CFTR: variants seen among roughly 807,000 people sequenced by gnomAD.
CFTR encodes cystic fibrosis transmembrane conductance regulator.
In CFTR, 181 loss-of-function variants were observed where a neutral mutation model predicts 171.6. The ratio of observed to expected loss-of-function variants is 1.05; its 90% CI spans 0.93 to 1.19. The LOEUF is 1.19. CFTR is among the 50% of genes most tolerant of loss of function. The pLI is 0.00. For synonymous variants in CFTR, 583 were observed against 608.0 expected (o/e 0.96, Z 0.60); for missense variants, 1,968 against 1,734.7 (o/e 1.13, Z -2.39).
intron 24 of CFTR, among the ~76,000 whole-genome samples, chr7:117,657,714 A>G (rs935104330): frequency 6.6e-6 from 1 of 152,218 alleles, no homozygotes; most frequent in Non-Finnish European, 1.5e-5. Context: ...CCTTGCCATG[A>G]CTAGTATCTC....
intron 10 of CFTR, among the ~76,000 whole-genome samples, chr7:117,557,049 C>G (rs1466714104): frequency 6.6e-6 from 1 of 151,638 alleles, no homozygotes; most frequent in Non-Finnish European, 1.5e-5. Flanking sequence ...AGATGTTTGA[C>G]GCTTTTTTAA....
In CFTR at chr7:117,542,126, A is replaced by T; in HGVS notation, c.1209+18A>T. Reference sequence around the variant, plus strand: ...GGGAGGAGGTCAGAATTTTTAAAAAATTGTTTGCTCTAAACACCTAACTGT... The same window carrying T: ...GGGAGGAGGTCAGAATTTTTAAAAATTTGTTTGCTCTAAACACCTAACTGT... On this transcript the variant is annotated intron_variant, in intron 9 of 26. Coordinates refer to ENST00000003084, the MANE Select transcript of CFTR (RefSeq NM_000492.4). 1 of 1,309,382 alleles carries T rather than the reference A, an allele frequency of 7.6e-7. No homozygotes were observed. The allele number at this position is 1,309,382 out of a possible 1,614,324, so 81.1% of individuals were successfully genotyped here.
chr7:117,588,528 C>T (rs1192202766), intron 12 of CFTR, among the ~76,000 whole-genome samples: 1 of 152,118 alleles, frequency 6.6e-6, no homozygotes, highest in Admixed American at 6.6e-5. Flanking sequence ...ATTCTTCTCA[C>T]TTTGTTGCCA....
intron 3 of CFTR, among the ~76,000 whole-genome samples, chr7:117,520,494 T>C (rs1349233124): frequency 6.6e-6 from 1 of 151,894 alleles, no homozygotes; most frequent in East Asian, 1.9e-4. Flanking sequence ...AGAAATCTAA[T>C]TTCAAAAAGA....
chr7:117,555,079 GT>G (rs575596543), intron 10 of CFTR, among the ~76,000 whole-genome samples: 4 of 151,790 alleles, frequency 2.6e-5, no homozygotes, highest in African/African-American at 7.3e-5. Flanking sequence ...AATTTTTGGG[GT>G]TTTTTGACAA....
At chr7:117,522,511 T>C (rs772410269) in intron 3 of CFTR, among the ~76,000 whole-genome samples, 27 of 152,260 alleles carry the variant, frequency 1.8e-4, no homozygotes, top group Admixed American at 5.2e-4. Context: ...ATCAGGCTTC[T>C]TCTATTATTG....
At chr7:117,564,614 T>C (rs1240040726) in intron 11 of CFTR, 1 of 166,960 alleles carries the variant, frequency 6.0e-6, no homozygotes, top group Non-Finnish European at 1.5e-5. Flanking sequence ...CATGATTCAG[T>C]ATATTTTCAT....
intron 3 of CFTR, 77 bp from the exon 4 acceptor site, chr7:117,530,822 A>C: frequency 1.0e-6 from 1 of 965,320 alleles, no homozygotes; most frequent in Non-Finnish European, 1.6e-6. Context: ...AAAGATGAAA[A>C]GTCTTGTGTT....
At chr7:117,614,975 T>C (rs912470000) in intron 21 of CFTR, among the ~76,000 whole-genome samples, 3 of 152,052 alleles carry the variant, frequency 2.0e-5, no homozygotes, top group Non-Finnish European at 2.9e-5. Context: ...GAGAAATACC[T>C]AGGGGTTGTA....
chr7:117,530,857 A>G, intron 3 of CFTR, 42 bp from the exon 4 acceptor site: 11 of 1,332,416 alleles, frequency 8.3e-6, no homozygotes, highest in Non-Finnish European at 1.2e-5. Context: ...ATTTTATGAG[A>G]AATAAATGAA....
chr7:117,541,978 T>C, intron 8 of CFTR, 38 bp from the exon 9 acceptor site: 4 of 999,488 alleles, frequency 4.0e-6, no homozygotes, highest in Non-Finnish European at 6.4e-6. Flanking sequence ...AATGCTATTC[T>C]GATTCTATAA....
rs139185194 is a variant in CFTR, at chr7:117,569,218, C to T, written c.1584+9563C>T. 4.3e-3 allele frequency among the ~76,000 whole-genome samples: 654 copies of T among 151,950 alleles called. 7 individuals are homozygous for T. Among genetic ancestry groups the T allele is most frequent in the Middle Eastern group, 0.014 (4 of 294 alleles). ...AAGGAATTTCAATACTTAAGAGGTA[C>T]GCAGAGAAAAGAGGGGCTGTGAAGG... On this transcript the variant is annotated intron_variant, in intron 11 of 26. Transcript: ENST00000003084.
chr7:117,646,413 G>A (rs1792995911), intron 23 of CFTR, among the ~76,000 whole-genome samples: 1 of 152,098 alleles, frequency 6.6e-6, no homozygotes, highest in Admixed American at 6.6e-5. Context: ...TTAGAAATGT[G>A]GGGGCATGAG....
intron 24 of CFTR, among the ~76,000 whole-genome samples, chr7:117,653,289 C>A (rs1584843053): frequency 6.6e-6 from 1 of 152,206 alleles, no homozygotes; most frequent in African/African-American, 2.4e-5. Flanking sequence ...ATGGCTCCAA[C>A]CATCAGGCCC....
Position 117,592,246 on chromosome 7 carries a change from TG to T in CFTR, c.2083del (p.Glu695LysfsTer27). Reference sequence around the variant, plus strand: ...AATCTTTTAAACAGACTGGAGAGTTTGGGGAAAAAAGGAAGAATTCTATTCT... The same window carrying T: ...AATCTTTTAAACAGACTGGAGAGTTTGGGAAAAAAGGAAGAATTCTATTCT... The part of the protein sequence containing the change: ...KQSFKQTGEF[G>X]EKRKNSILNP... On this transcript the variant is annotated frameshift_variant, in exon 14 of 27. Coordinates refer to ENST00000003084, the MANE Select transcript of CFTR (RefSeq NM_000492.4). LOFTEE classifies it high-confidence loss of function. The T allele has an allele frequency of 6.2e-7, 1 of 1,613,816 alleles. No individual in the cohort carries two copies. Among genetic ancestry groups the T allele is most frequent in the Non-Finnish European group, 8.5e-7 (1 of 1,180,008 alleles).
rs121909016 is a variant in CFTR at position 117,540,163 on chromosome 7, C to G, written c.933C>G (p.Phe311Leu). The stretch of plus-strand genomic sequence containing the variant: ...GATACTTCAATAGCTCAGCCTTCTT[C>G]TTCTCAGGGTTCTTTGTGGTGTTTT... ...YVRYFNSSAF[F>L]FSGFFVVFLS... is the part of the protein sequence containing the mutation. The change falls in exon 8 of 27, where the codon TTC becomes TTG. Residue 311 changes from phenylalanine (F) to leucine (L), a missense_variant. Physicochemically the swap from Phe to Leu is conservative, Grantham distance 22. Transcript: ENST00000003084. 1 of 1,613,870 alleles carries G rather than the reference C, an allele frequency of 6.2e-7. No individual in the cohort carries two copies. Among genetic ancestry groups the G allele is most frequent in the Non-Finnish European group, 8.5e-7 (1 of 1,179,780 alleles).
At chr7:117,565,833 G>A (rs1292942832) in intron 11 of CFTR, among the ~76,000 whole-genome samples, 1 of 152,108 alleles carries the variant, frequency 6.6e-6, no homozygotes, top group Admixed American at 6.6e-5. Flanking sequence ...AAAAATACTT[G>A]GGAGGGAAAT....
At chr7:117,612,233 T>TAACACACA (rs1792419227) in intron 20 of CFTR, among the ~76,000 whole-genome samples, 1 of 96,788 alleles carries the variant, frequency 1.0e-5, no homozygotes, top group Non-Finnish European at 2.1e-5. Context: ...ACATCCGCAT[T>TAACACACA]TACACACACA....
chr7:117,585,073 C>T (rs1289744599), intron 11 of CFTR, among the ~76,000 whole-genome samples: 1 of 151,956 alleles, frequency 6.6e-6, no homozygotes, highest in African/African-American at 2.4e-5. Flanking sequence ...CTGTTTCTTA[C>T]TGTCCCCTTC....
Sources: allele counts gnomAD v4.1 joint callset (sites outside exome capture counted in the v4.1 genomes callset), GRCh38; gene constraint gnomAD v4.1.1; transcripts MANE v1.5; gene names NCBI Gene and HGNC (gene_info 2026-07-23, HGNC 2026-07-21).